KCNIP4: variants seen among roughly 807,000 people sequenced by gnomAD.
The protein encoded by KCNIP4 is Kv channel-interacting protein 4.
In KCNIP4, 12 loss-of-function variants were observed where a neutral mutation model predicts 34.0. The ratio of observed to expected loss-of-function variants is 0.35; its 90% CI spans 0.23 to 0.57. The LOEUF is 0.57. Ranked by LOEUF, KCNIP4 falls within the 20% of genes least tolerant of loss-of-function variation. The pLI, the probability that KCNIP4 is intolerant of heterozygous loss-of-function variation, is 0.83. For missense variants in KCNIP4, 238 were observed against 311.7 expected (o/e 0.76, Z 1.78); for synonymous variants, 124 against 102.2 (o/e 1.21, Z -1.29).
intron 5 of KCNIP4, among the ~76,000 whole-genome samples, chr4:20,743,344 ACAT>A (rs1438592273): frequency 6.6e-6 from 1 of 152,160 alleles, no homozygotes; most frequent in African/African-American, 2.4e-5. Context: ...AAAGCTGGAG[ACAT>A]CATGCTGCCT....
At chr4:21,340,974 G>A (rs1716706024) in intron 1 of KCNIP4, among the ~76,000 whole-genome samples, 1 of 152,050 alleles carries the variant, frequency 6.6e-6, no homozygotes, top group South Asian at 2.1e-4. Flanking sequence ...GAAAATATAG[G>A]GTATTTGTGG....
intron 1 of KCNIP4, among the ~76,000 whole-genome samples, chr4:21,421,919 T>A (rs1725484871): frequency 6.6e-6 from 1 of 152,202 alleles, no homozygotes; most frequent in Non-Finnish European, 1.5e-5. Flanking sequence ...ATTTCCTCCA[T>A]CAGAATTCAT....
intron 1 of KCNIP4, chr4:21,847,775 CT>C (rs1375666369): frequency 2.0e-5 from 3 of 152,012 alleles, no homozygotes; most frequent in Non-Finnish European, 1.5e-5. Flanking sequence ...TTTATCTTTT[CT>C]GACACTACAT....
chr4:21,437,570 T>C (rs1429844363), intron 1 of KCNIP4, among the ~76,000 whole-genome samples: 2 of 152,192 alleles, frequency 1.3e-5, no homozygotes, highest in African/African-American at 4.8e-5. Context: ...CCAGCAATTT[T>C]GGATGCTCCT....
chr4:21,773,353 G>T (rs1718935775), intron 1 of KCNIP4, among the ~76,000 whole-genome samples: 1 of 152,124 alleles, frequency 6.6e-6, no homozygotes, highest in African/African-American at 2.4e-5. Context: ...GTCAATTTTA[G>T]AATAAGTGCC....
At chr4:20,882,313 A>C (rs1724781237) in intron 2 of KCNIP4, among the ~76,000 whole-genome samples, 1 of 152,156 alleles carries the variant, frequency 6.6e-6, no homozygotes, top group South Asian at 2.1e-4. Flanking sequence ...CAAGGCAAGC[A>C]ATAGGAATTC....
intron 1 of KCNIP4, among the ~76,000 whole-genome samples, chr4:21,434,723 A>T (rs1726795194): frequency 6.6e-6 from 1 of 151,302 alleles, no homozygotes; most frequent in African/African-American, 2.4e-5. Context: ...CAACAGTTTC[A>T]TTCCAAAACG....
intron 3 of KCNIP4, among the ~76,000 whole-genome samples, chr4:20,816,085 C>T (rs1340369704): frequency 6.6e-6 from 1 of 151,668 alleles, no homozygotes; most frequent in Non-Finnish European, 1.5e-5. Flanking sequence ...TCCGTCTCTA[C>T]TAAAAAAAAA....
At chr4:21,927,797 G>T (rs561155404) in intron 1 of KCNIP4, among the ~76,000 whole-genome samples, 23 of 152,190 alleles carry the variant, frequency 1.5e-4, no homozygotes, top group African/African-American at 5.5e-4. Flanking sequence ...AGGCTTTGGA[G>T]TCAGATGGAC....
chr4:21,553,555 C>T (rs555612228), intron 1 of KCNIP4, among the ~76,000 whole-genome samples: 9 of 152,126 alleles, frequency 5.9e-5, no homozygotes, highest in Non-Finnish European at 8.8e-5. Flanking sequence ...ACTTGTCCTA[C>T]CTGAGATTCT....
intron 1 of KCNIP4, among the ~76,000 whole-genome samples, chr4:21,177,508 T>G (rs1224585445): frequency 6.6e-6 from 1 of 152,106 alleles, no homozygotes; most frequent in African/African-American, 2.4e-5. Context: ...AGTAAATATT[T>G]AATAACTACT....
At chr4:20,889,260 G>C (rs777710381) in intron 1 of KCNIP4, among the ~76,000 whole-genome samples, 3 of 152,114 alleles carry the variant, frequency 2.0e-5, no homozygotes, top group African/African-American at 7.2e-5. Flanking sequence ...ATCTCTGCTA[G>C]TAAATTATAA....
At chr4:21,633,806 T>A (rs942285887) in intron 1 of KCNIP4, among the ~76,000 whole-genome samples, 28 of 152,150 alleles carry the variant, frequency 1.8e-4, no homozygotes, top group African/African-American at 6.3e-4. Flanking sequence ...ATAAAGTTAG[T>A]ACATGTTAAC....
chr4:21,833,119 CT>C (rs1254342028), intron 1 of KCNIP4, among the ~76,000 whole-genome samples: 1 of 151,158 alleles, frequency 6.6e-6, no homozygotes, highest in African/African-American at 2.5e-5. Flanking sequence ...AATGGGATGG[CT>C]GGGTCAAATG....
intron 1 of KCNIP4, among the ~76,000 whole-genome samples, chr4:21,740,397 C>T (rs542980129): frequency 6.6e-6 from 1 of 151,964 alleles, no homozygotes; most frequent in South Asian, 2.1e-4. Context: ...TTCCTTTCTT[C>T]CCTGTCATCC....
At chr4:21,445,469 A>G (rs1176674801) in intron 1 of KCNIP4, among the ~76,000 whole-genome samples, 2 of 152,172 alleles carry the variant, frequency 1.3e-5, no homozygotes, top group African/African-American at 4.8e-5. Context: ...AAATAATGCC[A>G]CTTATCTACA....
chr4:20,732,553 C>T, intron 7 of KCNIP4, 128 bp downstream of exon 7: 1 of 681,886 alleles, frequency 1.5e-6, no homozygotes, highest in South Asian at 1.6e-5. Context: ...TAATAGGATG[C>T]TAAATACTGT....
intron 1 of KCNIP4, among the ~76,000 whole-genome samples, chr4:21,597,051 C>T (rs1214769146): frequency 2.0e-5 from 3 of 151,994 alleles, no homozygotes; most frequent in Non-Finnish European, 4.4e-5. Flanking sequence ...AGTCGTCCCA[C>T]CTACAATACC....
At chr4:20,951,210 G>T (rs944600804) in intron 1 of KCNIP4, among the ~76,000 whole-genome samples, 2 of 152,072 alleles carry the variant, frequency 1.3e-5, no homozygotes, top group African/African-American at 2.4e-5. Flanking sequence ...AGCCATCCAG[G>T]AAGAGAGCCC....
Sources: gnomAD v4.1 joint callset for allele counts (sites outside exome capture counted in the v4.1 genomes callset) on GRCh38, gnomAD v4.1.1 for gene constraint, MANE v1.5 for transcripts, NCBI Gene and HGNC (gene_info 2026-07-23, HGNC 2026-07-21) for gene names.